Variants in GAB1 observed in about 807,000 individuals in gnomAD.
The protein encoded by GAB1 is GRB2 associated binding protein 1, also known as GRB2-associated-binding protein 1.
A neutral mutation model predicts 66.5 loss-of-function variants in GAB1; 19 were observed. That is an observed-to-expected ratio of 0.29 (90% CI 0.20 to 0.42). The LOEUF (loss-of-function observed/expected upper bound fraction) is 0.42, where lower values mean the gene tolerates loss of function less well. GAB1 is among the 10% of genes least tolerant of loss of function. The pLI is 1.00. For synonymous variants in GAB1, 294 were observed against 301.4 expected, an observed-to-expected ratio of 0.98 and a Z score of 0.25; for missense variants, 732 against 858.5, an observed-to-expected ratio of 0.85 and a Z score of 1.84.
chr4:143,417,377 A>T, intron 2 of GAB1: 1 of 405,692 alleles, frequency 2.5e-6, no homozygotes, highest in Non-Finnish European at 4.9e-6. Flanking sequence ...TTACAAGTGG[A>T]ATTCTACCTC....
At chr4:143,457,902 T>C in intron 6 of GAB1, 1 of 587,304 alleles carries the variant, frequency 1.7e-6, no homozygotes, top group Non-Finnish European at 2.9e-6. Flanking sequence ...CTGCACATTA[T>C]TTCTAAAGTG....
intron 1 of GAB1, among the ~76,000 whole-genome samples, chr4:143,342,543 CTTTTTTTTTTTTTTT>C (rs5862632): frequency 3.2e-5 from 2 of 62,494 alleles, no homozygotes; most frequent in African/African-American, 1.3e-4. Flanking sequence ...GTGATAGATT[CTTTTTTTTTTTTTTT>C]TTTTTTTTTT....
At chr4:143,372,196 A>C (rs1337515715) in intron 1 of GAB1, among the ~76,000 whole-genome samples, 1 of 151,994 alleles carries the variant, frequency 6.6e-6, no homozygotes, top group South Asian at 2.1e-4. Context: ...TCCATTGTTG[A>C]ACAACTGTAG....
At chr4:143,378,629 GTCTCTCTCTCTCTCTCTCTCTC>G (rs3049720) in intron 1 of GAB1, among the ~76,000 whole-genome samples, 1 of 129,150 alleles carries the variant, frequency 7.7e-6, no homozygotes, top group Non-Finnish European at 1.6e-5. Flanking sequence ...CTTCCAAAGT[GTCTCTCTCTCTCTCTCTCTCTC>G]TCTCTCTCTC....
chr4:143,439,740 C>A, intron 4 of GAB1, 62 bp from the exon 5 acceptor site: 1 of 1,112,112 alleles, frequency 9.0e-7, no homozygotes. Flanking sequence ...ATAGGTCATC[C>A]CAATGACCCT....
At chr4:143,441,477 A>G (rs1734227282) in intron 6 of GAB1, among the ~76,000 whole-genome samples, 1 of 152,192 alleles carries the variant, frequency 6.6e-6, no homozygotes, top group Admixed American at 6.5e-5. Flanking sequence ...GTTGTGAGGA[A>G]AAGAGACTGA....
intron 2 of GAB1, among the ~76,000 whole-genome samples, chr4:143,429,533 CT>C (rs1733542402): frequency 6.6e-6 from 1 of 152,196 alleles, no homozygotes; most frequent in African/African-American, 2.4e-5. Flanking sequence ...GTAAACGCCT[CT>C]CTTCCTGAGA....
chr4:143,450,985 T>G (rs951351571), intron 6 of GAB1, among the ~76,000 whole-genome samples: 1 of 152,136 alleles, frequency 6.6e-6, no homozygotes, highest in Admixed American at 6.5e-5. Flanking sequence ...CAACACAGAT[T>G]TAAGCACCTA....
chr4:143,448,760 T>G (rs1734718660), intron 6 of GAB1, among the ~76,000 whole-genome samples: 1 of 151,838 alleles, frequency 6.6e-6, no homozygotes, highest in Non-Finnish European at 1.5e-5. Context: ...TTCATTAATT[T>G]TTGAAGGGTT....
intron 1 of GAB1, chr4:143,349,211 T>G (rs1167550190): frequency 1.7e-6 from 1 of 578,776 alleles, no homozygotes; most frequent in Non-Finnish European, 2.9e-6. Flanking sequence ...ATATATTATT[T>G]TTCATTTTTT....
intron 1 of GAB1, chr4:143,349,353 G>C: frequency 9.3e-7 from 1 of 1,073,202 alleles, no homozygotes; most frequent in Non-Finnish European, 1.4e-6. Context: ...GGTCAGTGAA[G>C]TCCTGATAGG....
At chr4:143,349,943 C>T (rs1729130870) in intron 1 of GAB1, 5 of 1,595,094 alleles carry the variant, frequency 3.1e-6, no homozygotes, top group Non-Finnish European at 4.3e-6. Flanking sequence ...ATCTTCATGT[C>T]CTTGACCAAG....
In GAB1 at chr4:143,433,472, T is replaced by G; in HGVS notation, c.368-19T>G. ...TGTTTAACTGTGATAGACGTGATAG[T>G]TAAACTTTGGTGTTGCAGATCCTGT... On this transcript the variant is annotated intron_variant, in intron 2 of 9. Transcript: ENST00000262994. 2 of 1,591,992 alleles carry G rather than the reference T, an allele frequency of 1.3e-6. No individual in the cohort carries two copies. Among genetic ancestry groups the G allele is most frequent in the Non-Finnish European group, 1.7e-6 (2 of 1,160,022 alleles).
intron 6 of GAB1, among the ~76,000 whole-genome samples, chr4:143,454,988 A>G (rs1560782726): frequency 6.6e-6 from 1 of 152,056 alleles, no homozygotes; most frequent in South Asian, 2.1e-4. Flanking sequence ...TAGGTTTTAA[A>G]AGACCCTCCA....
chr4:143,350,097 T>C (rs567102238), intron 1 of GAB1: 108 of 1,317,616 alleles, frequency 8.2e-5, no homozygotes, highest in Admixed American at 1.0e-4. Flanking sequence ...GCCCTCCCGC[T>C]GCACCGGCGT....
intron 1 of GAB1, among the ~76,000 whole-genome samples, chr4:143,384,705 T>C (rs769681597): frequency 6.6e-6 from 1 of 152,216 alleles, no homozygotes; most frequent in South Asian, 2.1e-4. Flanking sequence ...TTTTGCAGGC[T>C]CTGTTCAGTC....
At chr4:143,387,852 C>T (rs1429699392) in intron 1 of GAB1, among the ~76,000 whole-genome samples, 1 of 152,160 alleles carries the variant, frequency 6.6e-6, no homozygotes, top group Non-Finnish European at 1.5e-5. Context: ...ATCCTGTCTT[C>T]CTTCACAGTC....
intron 3 of GAB1, among the ~76,000 whole-genome samples, chr4:143,436,736 G>A (rs13128753): frequency 0.25 from 37,316 of 152,088 alleles, 4,909 homozygotes; most frequent in South Asian, 0.31. Flanking sequence ...GTCAACTTAA[G>A]AAGTAAATGG....
intron 6 of GAB1, among the ~76,000 whole-genome samples, chr4:143,455,661 G>A (rs902445964): frequency 1.3e-5 from 2 of 152,184 alleles, no homozygotes; most frequent in African/African-American, 2.4e-5. Context: ...TGGCATTCAC[G>A]TAGATGTCCC....
Sources: gnomAD v4.1 joint callset for allele counts (sites outside exome capture counted in the v4.1 genomes callset) on GRCh38, gnomAD v4.1.1 for gene constraint, MANE v1.5 for transcripts, NCBI Gene and HGNC (gene_info 2026-07-23, HGNC 2026-07-21) for gene names.